Variants in UNC13C observed in about 807,000 individuals in gnomAD.
UNC13C encodes unc-13 homolog C.
In UNC13C, 174 loss-of-function variants were observed where a neutral mutation model predicts 245.4. The ratio of observed to expected loss-of-function variants is 0.71; its 90% CI spans 0.63 to 0.80. The LOEUF is 0.80. UNC13C is among the 30% of genes least tolerant of loss of function. The pLI is 0.00. For synonymous variants in UNC13C, 992 were observed against 895.1 expected, an observed-to-expected ratio of 1.11 and a Z score of -1.93; for missense variants, 2,829 against 2,602.9, an observed-to-expected ratio of 1.09 and a Z score of -1.89.
the UNC13C span, chr15:53,912,488 T>C: frequency 6.6e-6 from 1 of 152,246 alleles, no homozygotes; most frequent in Admixed American, 6.6e-5. Flanking sequence ...GCTGCATTCA[T>C]TGACAGTTAT....
In UNC13C at chr15:54,086,227, C is replaced by T. The variant is rs573201596; in HGVS notation, c.2984-56791C>T. On this transcript the variant is annotated intron_variant, in intron 2 of 32. Coordinates refer to ENST00000260323, the MANE Select transcript of UNC13C (RefSeq NM_001080534.3). ...AGTCTCTCCTCCTCCCTATACTTCTCAGCCTCTAATGCACACACTTCTATT... is the reference window on the plus strand; with the variant it reads ...AGTCTCTCCTCCTCCCTATACTTCTTAGCCTCTAATGCACACACTTCTATT... 1.1e-4 allele frequency among the ~76,000 whole-genome samples: 16 copies of T among 152,322 alleles called. No individual in the cohort carries two copies. In the South Asian group the frequency reaches 3.3e-3, roughly 32 times the overall value.
intron 18 of UNC13C, among the ~76,000 whole-genome samples, chr15:54,406,134 A>G (rs546121022): frequency 6.6e-6 from 1 of 152,182 alleles, no homozygotes; most frequent in Non-Finnish European, 1.5e-5. Flanking sequence ...CAAAGGAAAT[A>G]AAGACCTGAA....
intron 2 of UNC13C, among the ~76,000 whole-genome samples, chr15:54,032,766 C>T (rs1424871349): frequency 6.6e-6 from 1 of 152,092 alleles, no homozygotes; most frequent in South Asian, 2.1e-4. Context: ...TGTGGTCCCC[C>T]ATAGAAGTAA....
intron 10 of UNC13C, among the ~76,000 whole-genome samples, chr15:54,271,711 T>G (rs2140901776): frequency 6.6e-6 from 1 of 152,380 alleles, no homozygotes; most frequent in East Asian, 1.9e-4. Flanking sequence ...TTACTTAATC[T>G]GTTTTTAATA....
chr15:54,485,779 A>G (rs1185494515), intron 19 of UNC13C, among the ~76,000 whole-genome samples: 5 of 152,132 alleles, frequency 3.3e-5, no homozygotes, highest in African/African-American at 1.2e-4. Flanking sequence ...CTTGTCAAGC[A>G]CACTTTTTTG....
chr15:54,539,346 A>C (rs1411537284), intron 26 of UNC13C, among the ~76,000 whole-genome samples: 3 of 152,082 alleles, frequency 2.0e-5, no homozygotes, highest in Non-Finnish European at 4.4e-5. Context: ...GTAGGGAAGT[A>C]GGTGCAGAAG....
At chr15:54,576,267 C>T (rs1477813745) in intron 30 of UNC13C, among the ~76,000 whole-genome samples, 1 of 152,186 alleles carries the variant, frequency 6.6e-6, no homozygotes, top group Non-Finnish European at 1.5e-5. Flanking sequence ...ATGCCCCTCC[C>T]ACTGTCTCAC....
intron 32 of UNC13C, among the ~76,000 whole-genome samples, chr15:54,625,907 T>C (rs1901110257): frequency 6.6e-6 from 1 of 152,166 alleles, no homozygotes; most frequent in Non-Finnish European, 1.5e-5. Flanking sequence ...TCCCATCATA[T>C]TTTGCTCTTC....
chr15:54,522,151 C>A (rs1596510486), intron 24 of UNC13C, among the ~76,000 whole-genome samples: 1 of 129,442 alleles, frequency 7.7e-6, no homozygotes, highest in Admixed American at 8.7e-5. Flanking sequence ...AGGAAAATAA[C>A]TTAAGATGAA....
intron 2 of UNC13C, among the ~76,000 whole-genome samples, chr15:54,073,476 A>C (rs1221088897): frequency 2.0e-5 from 3 of 152,054 alleles, no homozygotes; most frequent in African/African-American, 7.2e-5. Flanking sequence ...CACAATGGTT[A>C]AACTAATTTA....
chr15:54,551,091 G>A (rs975796688), intron 28 of UNC13C, among the ~76,000 whole-genome samples: 1 of 152,016 alleles, frequency 6.6e-6, no homozygotes, highest in African/African-American at 2.4e-5. Flanking sequence ...TATAGTCCAG[G>A]GGTAACTCTG....
At chr15:54,339,415 C>A (rs1276960743) in intron 17 of UNC13C, among the ~76,000 whole-genome samples, 1 of 152,082 alleles carries the variant, frequency 6.6e-6, no homozygotes, top group African/African-American at 2.4e-5. Flanking sequence ...TTCCCTCACA[C>A]CCCTCCGAGC....
Position 54,297,938 on chromosome 15 carries a change from G to T in UNC13C, c.4104+12G>T. The T allele has an allele frequency of 2.1e-6, 3 of 1,415,338 alleles. No homozygotes were observed. Among genetic ancestry groups the T allele is most frequent in the East Asian group, 2.4e-5 (1 of 41,866 alleles). The allele number at this position is 1,415,338 out of a possible 1,614,324, so 87.7% of individuals were successfully genotyped here. ...CATGTTTACATGAGGTAAATAAATG[G>T]AATTTTACTAATACAAAATATAAGA... On this transcript the variant is annotated intron_variant, in intron 12 of 32. Coordinates refer to ENST00000260323, the MANE Select transcript of UNC13C (RefSeq NM_001080534.3).
At chr15:54,161,507 G>C (rs1049305766) in intron 4 of UNC13C, among the ~76,000 whole-genome samples, 23 of 152,034 alleles carry the variant, frequency 1.5e-4, no homozygotes, top group African/African-American at 5.1e-4. Flanking sequence ...AATATACTGA[G>C]AGCATTAATA....
chr15:54,584,080 C>T (rs755324020), intron 30 of UNC13C, among the ~76,000 whole-genome samples: 6 of 152,154 alleles, frequency 3.9e-5, no homozygotes, highest in Non-Finnish European at 7.3e-5. Flanking sequence ...TTCACCTCCT[C>T]CTTGTGCCTC....
intron 19 of UNC13C, among the ~76,000 whole-genome samples, chr15:54,446,672 A>T (rs1028530229): frequency 9.2e-5 from 14 of 152,202 alleles, no homozygotes; most frequent in Non-Finnish European, 1.9e-4. Flanking sequence ...GTTGCTTATC[A>T]GCTTAAGGAG....
At chr15:53,851,045 A>ATT in the UNC13C span, among the ~76,000 whole-genome samples, 1 of 151,498 alleles carries the variant, frequency 6.6e-6, no homozygotes, top group Admixed American at 6.6e-5. Context: ...TCTCTTTCGT[A>ATT]TCTTCTATTT....
intron 15 of UNC13C, 73 bp downstream of exon 15, chr15:54,332,184 T>A: frequency 9.8e-7 from 1 of 1,023,776 alleles, no homozygotes; most frequent in South Asian, 1.6e-5. Context: ...ATTGTAAAAA[T>A]TACCCATCAT....
chr15:54,545,936 G>C (rs1896464720), intron 26 of UNC13C, among the ~76,000 whole-genome samples: 1 of 152,102 alleles, frequency 6.6e-6, no homozygotes, highest in African/African-American at 2.4e-5. Flanking sequence ...TCTAGAACTA[G>C]AAATACCATT....
Sources: gnomAD v4.1 joint callset for allele counts (sites outside exome capture counted in the v4.1 genomes callset) on GRCh38, gnomAD v4.1.1 for gene constraint, MANE v1.5 for transcripts, NCBI Gene and HGNC (gene_info 2026-07-23, HGNC 2026-07-21) for gene names.